The following MRPL35 variants were observed in gnomAD, a reference collection of about 807,000 sequenced individuals.
The protein encoded by MRPL35 is mitochondrial ribosomal protein L35.
A neutral mutation model predicts 21.6 loss-of-function variants in MRPL35; 18 were observed. The ratio of observed to expected loss-of-function variants is 0.83; its 90% confidence interval spans 0.58 to 1.24. The LOEUF (loss-of-function observed/expected upper bound fraction) is 1.24. MRPL35 is among the 50% of genes most tolerant of loss of function. MRPL35 has a pLI of 0.00. For synonymous variants in MRPL35, 87 were observed against 86.9 expected (o/e 1.00, Z -0.01); for missense variants, 223 against 223.2 (o/e 1.00, Z 0.01).
intron 1 of MRPL35, among the ~76,000 whole-genome samples, chr2:86,201,518 T>C (rs1673684808): frequency 6.6e-6 from 1 of 152,214 alleles, no homozygotes; most frequent in Non-Finnish European, 1.5e-5. Context: ...GAAAAGTTGT[T>C]TTTCATCTAC....
At chr2:86,204,996 T>C (rs1463854441) in intron 1 of MRPL35, among the ~76,000 whole-genome samples, 1 of 152,172 alleles carries the variant, frequency 6.6e-6, no homozygotes, top group African/African-American at 2.4e-5. Flanking sequence ...CCTAACACTT[T>C]GGGAGGCTGA....
chr2:86,212,941 A>C lies in MRPL35; in HGVS notation c.*2273A>C. ...TATTGAACACCTACTATGTCCCAGC[A>C]TATCTACAAAACTGGGTACATACAT... On this transcript the variant is annotated 3_prime_UTR_variant, in exon 4 of 4. Coordinates refer to ENST00000337109, the MANE Select transcript of MRPL35 (RefSeq NM_016622.4). 1.4e-6 allele frequency: 1 copy of C among 707,686 alleles called. No homozygotes were observed. The highest frequency in any genetic ancestry group is 1.7e-6 in the Non-Finnish European group (1 of 576,598). 43.8% of individuals were successfully genotyped at this position (707,686 alleles called of 1,614,324 possible). A position where few individuals can be genotyped will look rare whatever the true frequency, so the allele number is the denominator to read the frequency against.
intron 1 of MRPL35, among the ~76,000 whole-genome samples, chr2:86,204,901 A>G (rs1313369739): frequency 6.6e-6 from 1 of 152,214 alleles, no homozygotes; most frequent in Non-Finnish European, 1.5e-5. Flanking sequence ...CTAATAGCCT[A>G]CTGTTGGCCA....
intron 1 of MRPL35, among the ~76,000 whole-genome samples, chr2:86,204,534 T>A (rs770504254): frequency 5.3e-5 from 8 of 151,872 alleles, no homozygotes; most frequent in Non-Finnish European, 1.2e-4. Flanking sequence ...AGTCCCAAAC[T>A]GGACTTCAGT....
At position 86,213,517 on chromosome 2, in the gene MRPL35, A is replaced by G; in HGVS notation, c.*2849A>G. 2 of 1,415,198 alleles carry G rather than the reference A, an allele frequency of 1.4e-6. No individual in the cohort carries two copies. The highest frequency in any genetic ancestry group is 1.9e-6 in the Non-Finnish European group (2 of 1,071,832). The allele number at this position is 1,415,198 out of a possible 1,614,324, so 87.7% of individuals were successfully genotyped here. A position where few individuals can be genotyped will look rare whatever the true frequency, so the allele number is the denominator to read the frequency against. On this transcript the variant is annotated 3_prime_UTR_variant, in exon 4 of 4. Transcript: ENST00000337109. Reference sequence around the variant, plus strand: ...TTGATGTTTCAAATTTTGAGCTTCCAAGTCTTTGTGGCCACCCAATGAAGT... The same window carrying G: ...TTGATGTTTCAAATTTTGAGCTTCCGAGTCTTTGTGGCCACCCAATGAAGT...
intron 1 of MRPL35, 143 bp from the exon 2 acceptor site, chr2:86,205,963 G>C: frequency 1.4e-6 from 1 of 732,772 alleles, no homozygotes. Flanking sequence ...ACCTTAGTAA[G>C]GTGGTAAAAG....
chr2:86,200,308 G>A (rs1573968436), intron 1 of MRPL35, among the ~76,000 whole-genome samples: 1 of 151,650 alleles, frequency 6.6e-6, no homozygotes, highest in African/African-American at 2.4e-5. Flanking sequence ...TTGTGTTCGC[G>A]AAATATAATA....
In MRPL35 at chr2:86,210,466, G is replaced by T. The variant is rs542127245; in HGVS notation, c.379-14G>T. The stretch of plus-strand genomic sequence containing the variant: ...ATAGTATGATGTTTTACATTTCTTT[G>T]TAATATCTGACAGGCTGGCTATAAG... On this transcript the variant is annotated splice_polypyrimidine_tract_variant and intron_variant, in intron 3 of 3. Coordinates refer to ENST00000337109, the MANE Select transcript of MRPL35 (RefSeq NM_016622.4). 6.3e-7 allele frequency: 1 copy of T among 1,592,704 alleles called. No individual in the cohort carries two copies. Among genetic ancestry groups the T allele is most frequent in the African/African-American group, 1.4e-5 (1 of 73,460 alleles).
At chr2:86,200,994 C>T (rs2105832824) in intron 1 of MRPL35, among the ~76,000 whole-genome samples, 1 of 152,284 alleles carries the variant, frequency 6.6e-6, no homozygotes, top group African/African-American at 2.4e-5. Flanking sequence ...GACTGTGCCA[C>T]AATTCTCCAT....
chr2:86,213,503 A>G lies in MRPL35; in HGVS notation c.*2835A>G, dbSNP rs947634930. 7.2e-7 allele frequency: 1 copy of G among 1,379,578 alleles called. No homozygotes were observed. The highest frequency in any genetic ancestry group is 3.2e-5 in the Admixed American group (1 of 31,442). 85.5% of individuals were successfully genotyped at this position (1,379,578 alleles called of 1,614,324 possible). A position where few individuals can be genotyped will look rare whatever the true frequency, so the allele number is the denominator to read the frequency against. ...GTCTGTGTTTAATTTTGATGTTTCA[A>G]ATTTTGAGCTTCCAAGTCTTTGTGG... On this transcript the variant is annotated 3_prime_UTR_variant, in exon 4 of 4. Transcript: ENST00000337109.
intron 1 of MRPL35, among the ~76,000 whole-genome samples, chr2:86,200,593 AGT>A (rs1311956007): frequency 6.6e-6 from 1 of 152,244 alleles, no homozygotes; most frequent in Admixed American, 6.5e-5. Flanking sequence ...TGGTTCATAC[AGT>A]ATATACGCTT....
intron 3 of MRPL35, among the ~76,000 whole-genome samples, chr2:86,209,733 T>G (rs1452877960): frequency 6.6e-6 from 1 of 152,222 alleles, no homozygotes; most frequent in Non-Finnish European, 1.5e-5. Context: ...TCAGCCTCCT[T>G]AATAAATATT....
rs1433204791 is a variant in MRPL35, at chr2:86,210,589, C to T, written c.488C>T (p.Thr163Met). 2 of 1,613,748 alleles carry T rather than the reference C, an allele frequency of 1.2e-6. No homozygotes were observed. Among genetic ancestry groups the T allele is most frequent in the Non-Finnish European group, 1.7e-6 (2 of 1,179,836 alleles). ...AGTAAACTCTTAGATAAAATGACGA[C>T]GTCCTTCTGGAAGAGGCGAAACTGG... ...TQSKLLDKMT[T>M]SFWKRRNWYV... Residue 163 changes from threonine to methionine, a missense_variant, in exon 4 of 4, where the codon ACG (threonine) becomes ATG (methionine). Physicochemically the swap from Thr to Met is moderately conservative, Grantham distance 81. Transcript: ENST00000337109.
chr2:86,201,730 G>C (rs1573969119), intron 1 of MRPL35, among the ~76,000 whole-genome samples: 2 of 152,144 alleles, frequency 1.3e-5, no homozygotes, highest in Non-Finnish European at 2.9e-5. Flanking sequence ...ATTTGTGAAA[G>C]GGTAGTTTTT....
At chr2:86,207,069 A>T (rs1330835570) in intron 2 of MRPL35, 114 bp from the exon 3 acceptor site, 1 of 1,048,018 alleles carries the variant, frequency 9.5e-7, no homozygotes, top group Admixed American at 2.9e-5. Flanking sequence ...ATTGTATATG[A>T]AAAGTTAGTT....
intron 3 of MRPL35, 42 bp from the exon 4 acceptor site, chr2:86,210,438 T>C (rs1350241402): frequency 4.6e-6 from 7 of 1,531,858 alleles, no homozygotes; most frequent in Non-Finnish European, 6.2e-6. Flanking sequence ...TGTTGTTTCA[T>C]ACATAGTATG....
At position 86,202,842 on chromosome 2, in the gene MRPL35, C is replaced by T. The variant is rs115036497; in HGVS notation, c.44-3264C>T. Among the ~76,000 whole-genome samples the T allele has an allele frequency of 2.9e-3, 436 of 152,108 alleles. 1 individual carries two copies. The highest frequency in any genetic ancestry group is 9.8e-3 in the African/African-American group (405 of 41,486). On this transcript the variant is annotated intron_variant, in intron 1 of 3. Coordinates refer to ENST00000337109, the MANE Select transcript of MRPL35 (RefSeq NM_016622.4). ...AGTAGCTGGGACTACAGGCGCGCGT[C>T]ACTCTGCCCAGCTAATATTTCTATT...
chr2:86,199,546 C>T lies in MRPL35; in HGVS notation c.43+13C>T. ...AGAGCAGCTTCAGGTCAGTGGAGAG[C>T]GACATACTCCATGCATGCCTTCACA... is the stretch of plus-strand genomic sequence containing the variant. On this transcript the variant is annotated intron_variant, in intron 1 of 3. Transcript: ENST00000337109. 6.2e-7 allele frequency: 1 copy of T among 1,614,036 alleles called. No homozygotes were observed. The highest frequency in any genetic ancestry group is 2.2e-5 in the East Asian group (1 of 44,888).
rs1673785307 is a variant in MRPL35, at chr2:86,206,170, T to C, written c.108T>C (p.Ser36=). The C allele has an allele frequency of 6.2e-7, 1 of 1,614,014 alleles. No individual in the cohort carries two copies. The highest frequency in any genetic ancestry group is 1.7e-5 in the Admixed American group (1 of 60,034). Residue 36 remains serine, a synonymous_variant, in exon 2 of 4, where the codon TCT becomes TCC. Transcript: ENST00000337109. The part of the protein sequence containing the change: ...STYRNCVKNA[S]LISALSTGRF... ...ACCGCAACTGTGTCAAGAATGCCTC[T>C]CTTATTTCTGCATTGTCCACTGGAC...
Sources: allele counts gnomAD v4.1 joint callset (sites outside exome capture counted in the v4.1 genomes callset), GRCh38; gene constraint gnomAD v4.1.1; transcripts MANE v1.5; gene names NCBI Gene and HGNC (gene_info 2026-07-23, HGNC 2026-07-21).